CABCOCO1: variants seen among roughly 807,000 people sequenced by gnomAD.
CABCOCO1 encodes ciliary-associated calcium-binding coiled-coil protein 1.
CABCOCO1 carries 28 observed loss-of-function variants against 35.7 expected under a neutral mutation model. The ratio of observed to expected loss-of-function variants is 0.78; its 90% CI spans 0.58 to 1.07. The LOEUF is 1.07. Among genes scored for constraint, CABCOCO1 ranks in the 50% least tolerant of loss-of-function variants. The probability of loss-of-function intolerance (pLI) is 0.00; values close to 1 mark genes in which losing one functional copy is unlikely to be tolerated. For synonymous variants in CABCOCO1, 95 were observed against 100.1 expected, an observed-to-expected ratio of 0.95 and a Z score of 0.30; for missense variants, 326 against 309.2, an observed-to-expected ratio of 1.05 and a Z score of -0.41.
intron 5 of CABCOCO1, among the ~76,000 whole-genome samples, chr10:61,756,404 T>C (rs1589156838): frequency 6.6e-6 from 1 of 152,164 alleles, no homozygotes; most frequent in East Asian, 1.9e-4. Flanking sequence ...CACTTAACAG[T>C]CCATTATTCT....
intron 2 of CABCOCO1, among the ~76,000 whole-genome samples, chr10:61,677,331 CTT>C (rs1839545064): frequency 6.6e-6 from 1 of 152,018 alleles, no homozygotes; most frequent in South Asian, 2.1e-4. Flanking sequence ...GATCATTTCT[CTT>C]TACTTTAGAT....
Position 61,766,206 on chromosome 10 carries a change from T to A in CABCOCO1, c.*193T>A, listed in dbSNP as rs552189221. 1.1e-4 allele frequency: 50 copies of A among 467,722 alleles called. No homozygotes were observed. The highest frequency in any genetic ancestry group is 7.1e-4 in the African/African-American group (37 of 51,966). 29.0% of individuals were successfully genotyped at this position (467,722 alleles called of 1,614,324 possible). ...CTATCTCCCATCCCATAACAGCCTC[T>A]GAATTTATTGCACCAAGTGTAATGA... On this transcript the variant is annotated 3_prime_UTR_variant, in exon 8 of 8. Transcript: ENST00000648843.
chr10:61,680,700 A>G (rs1589117019), intron 2 of CABCOCO1, among the ~76,000 whole-genome samples: 1 of 120,942 alleles, frequency 8.3e-6, no homozygotes, highest in African/African-American at 3.1e-5. Context: ...TAACATATAT[A>G]TGTTATACAT....
intron 5 of CABCOCO1, among the ~76,000 whole-genome samples, chr10:61,695,154 A>G (rs1189658709): frequency 6.6e-6 from 1 of 151,860 alleles, no homozygotes; most frequent in Non-Finnish European, 1.5e-5. Flanking sequence ...AAATATATAA[A>G]TTTTAGCAGA....
chr10:61,747,139 T>C (rs1047540951), intron 5 of CABCOCO1, among the ~76,000 whole-genome samples: 1 of 152,166 alleles, frequency 6.6e-6, no homozygotes, highest in Non-Finnish European at 1.5e-5. Flanking sequence ...AGTTATAATG[T>C]TGTATTTCTG....
At chr10:61,679,610 G>T (rs12776615) in intron 2 of CABCOCO1, among the ~76,000 whole-genome samples, 17,381 of 152,126 alleles carry the variant, frequency 0.11, 1,291 homozygotes, top group East Asian at 0.19. Flanking sequence ...ACTTGGCCAG[G>T]TCTCCACCTC....
At chr10:61,708,917 ATGT>A (rs1252599471) in intron 5 of CABCOCO1, among the ~76,000 whole-genome samples, 1 of 152,164 alleles carries the variant, frequency 6.6e-6, no homozygotes, top group Admixed American at 6.6e-5. Context: ...ACTGAAATAA[ATGT>A]TGTCCATGAT....
Position 61,677,535 on chromosome 10 carries a change from GTCTTT to G in CABCOCO1, c.165-3601_165-3597del, listed in dbSNP as rs1436627478. Among the ~76,000 whole-genome samples the G allele has an allele frequency of 5.9e-5, 9 of 151,840 alleles. No homozygotes were observed. In the East Asian group the frequency reaches 1.7e-3, roughly 29 times the overall value. On this transcript the variant is annotated intron_variant, in intron 2 of 7. Transcript: ENST00000648843. ...CATTTTTTTTCCCAGTCTGCAGCTT[GTCTTT>G]TCTTTTTCTTTTTTTTTATTATACT...
intron 1 of CABCOCO1, among the ~76,000 whole-genome samples, chr10:61,669,029 A>AAAAAAAAAAAAAAAAAC (rs1839278033): frequency 1.3e-5 from 2 of 150,918 alleles, no homozygotes; most frequent in Non-Finnish European, 3.0e-5. Context: ...GGAAAAAAAA[A>AAAAAAAAAAAAAAAAAC]AAAACACCTT....
intron 5 of CABCOCO1, among the ~76,000 whole-genome samples, chr10:61,716,722 T>C (rs1359898723): frequency 6.6e-6 from 1 of 152,166 alleles, no homozygotes; most frequent in Non-Finnish European, 1.5e-5. Context: ...GTTACTGAAA[T>C]AAGAAATTCA....
At chr10:61,724,582 A>C (rs571509074) in intron 5 of CABCOCO1, among the ~76,000 whole-genome samples, 1 of 152,238 alleles carries the variant, frequency 6.6e-6, no homozygotes, top group African/African-American at 2.4e-5. Flanking sequence ...TAGATTTTAT[A>C]TGAGTGAACA....
chr10:61,737,505 G>A (rs992054025), intron 5 of CABCOCO1, among the ~76,000 whole-genome samples: 12 of 152,128 alleles, frequency 7.9e-5, no homozygotes, highest in African/African-American at 2.4e-4. Flanking sequence ...ACATTCACGC[G>A]AATTTTTGTT....
intron 5 of CABCOCO1, among the ~76,000 whole-genome samples, chr10:61,698,664 A>C (rs1840357730): frequency 6.6e-6 from 1 of 152,048 alleles, no homozygotes; most frequent in Non-Finnish European, 1.5e-5. Context: ...AAAATAAAAC[A>C]CTTTTTCCTT....
At chr10:61,692,149 G>C (rs1174734611) in intron 5 of CABCOCO1, among the ~76,000 whole-genome samples, 1 of 152,086 alleles carries the variant, frequency 6.6e-6, no homozygotes, top group Non-Finnish European at 1.5e-5. Flanking sequence ...ATCCTCTCCA[G>C]CATCTGTTGT....
chr10:61,663,963 G>T lies in CABCOCO1; in HGVS notation c.60+931G>T, dbSNP rs776704357. ...ATTGCTTTGCTTGACTTCCTTATTC[G>T]TTGGTCTAAACGACATTCTTTGTGC... On this transcript the variant is annotated intron_variant, in intron 1 of 7. Transcript: ENST00000648843. Among the ~76,000 whole-genome samples, 6 of 151,790 alleles carry T rather than the reference G, an allele frequency of 4.0e-5. No homozygotes were observed. The East Asian group carries it at 1.2e-3, about 29-fold the overall frequency.
intron 4 of CABCOCO1, 81 bp downstream of exon 4, chr10:61,686,266 T>C: frequency 8.1e-7 from 1 of 1,238,230 alleles, no homozygotes; most frequent in Non-Finnish European, 1.1e-6. Flanking sequence ...TAATTCAGTT[T>C]TTAGCAGATT....
At chr10:61,664,011 T>C (rs1266072806) in intron 1 of CABCOCO1, among the ~76,000 whole-genome samples, 1 of 152,152 alleles carries the variant, frequency 6.6e-6, no homozygotes, top group African/African-American at 2.4e-5. Flanking sequence ...TTAGCTGCAA[T>C]TTTATAAATG....
chr10:61,749,111 C>T (rs2132077569), intron 5 of CABCOCO1, among the ~76,000 whole-genome samples: 1 of 152,258 alleles, frequency 6.6e-6, no homozygotes, highest in East Asian at 1.9e-4. Context: ...AGTCAATTTT[C>T]TGATAAAAGT....
At chr10:61,751,554 T>C (rs1185287349) in intron 5 of CABCOCO1, among the ~76,000 whole-genome samples, 1 of 151,906 alleles carries the variant, frequency 6.6e-6, no homozygotes, top group African/African-American at 2.4e-5. Flanking sequence ...GGAAGGTAAT[T>C]AAGGAAAAAT....
Sources: allele counts gnomAD v4.1 joint callset (sites outside exome capture counted in the v4.1 genomes callset), GRCh38; gene constraint gnomAD v4.1.1; transcripts MANE v1.5; gene names NCBI Gene and HGNC (gene_info 2026-07-23, HGNC 2026-07-21).